The following ERI1 variants were observed in gnomAD, a reference collection of about 807,000 sequenced individuals.
ERI1 encodes the protein 3'-5' exoribonuclease 1.
ERI1 carries 39 observed loss-of-function variants against 39.7 expected under a neutral mutation model. That is an observed-to-expected ratio of 0.98 (90% confidence interval 0.76 to 1.28). The LOEUF (loss-of-function observed/expected upper bound fraction) is 1.28. Among genes scored for constraint, ERI1 ranks in the 50% most tolerant of loss-of-function variants. The probability of loss-of-function intolerance (pLI) is 0.00; values close to 1 mark genes in which losing one functional copy is unlikely to be tolerated. For missense variants in ERI1, 581 were observed against 416.9 expected (o/e 1.39, Z -3.43); for synonymous variants, 204 against 149.6 (o/e 1.36, Z -2.65).
In ERI1 at chr8:9,066,639, A is replaced by T. The variant is rs796229083; in HGVS notation, n.299+46175A>T. Among the ~76,000 whole-genome samples the T allele has an allele frequency of 2.0e-5, 3 of 152,336 alleles. 1 individual carries two copies. Among genetic ancestry groups the T allele is most frequent in the African/African-American group, 7.2e-5 (3 of 41,576 alleles). ...GTTATTCAAGGAATGTTCAGTTATG[A>T]GTGCCGGTCATTGTTTTTAAAGGAA... On this transcript the variant is annotated intron_variant and non_coding_transcript_variant, in intron 3 of 3. Transcript: ENST00000518663.
intron 3 of ERI1, among the ~76,000 whole-genome samples, chr8:9,082,800 G>C (rs911995887): frequency 6.6e-6 from 1 of 152,152 alleles, no homozygotes; most frequent in African/African-American, 2.4e-5. Flanking sequence ...GAAAGTGAAT[G>C]ATGAGATGCC....
chr8:9,038,409 G>T (rs990035339), intron 3 of ERI1, among the ~76,000 whole-genome samples: 3 of 152,132 alleles, frequency 2.0e-5, no homozygotes, highest in Non-Finnish European at 4.4e-5. Flanking sequence ...GTATTTTTCT[G>T]CCTGAAAGTC....
At chr8:9,013,948 G>A (rs1585198372) in intron 3 of ERI1, among the ~76,000 whole-genome samples, 2 of 152,010 alleles carry the variant, frequency 1.3e-5, no homozygotes, top group East Asian at 1.9e-4. Flanking sequence ...TACTGCATTC[G>A]CCACCTAACT....
At chr8:9,067,196 G>A (rs79506627) in intron 3 of ERI1, among the ~76,000 whole-genome samples, 3,911 of 152,074 alleles carry the variant, frequency 0.026, 167 homozygotes, top group African/African-American at 0.088. Context: ...TAGCTGCAGG[G>A]TACGTCATTC....
intron 3 of ERI1, among the ~76,000 whole-genome samples, chr8:9,059,794 C>T (rs945272211): frequency 1.3e-4 from 20 of 152,026 alleles, no homozygotes; most frequent in African/African-American, 2.2e-4. Flanking sequence ...CAGTGTGAAC[C>T]GGCAGTGTAA....
chr8:9,070,726 G>C (rs750893736), intron 3 of ERI1, among the ~76,000 whole-genome samples: 5 of 152,220 alleles, frequency 3.3e-5, no homozygotes, highest in Non-Finnish European at 7.3e-5. Context: ...AACATTTGGC[G>C]TCTGAAAGAA....
In ERI1 at chr8:9,046,475, C is replaced by T. The variant is rs1345874900; in HGVS notation, n.299+26011C>T. Reference sequence around the variant, plus strand: ...GCTTCCATGAGATGCTCCTTTATTTCTTTGAGAAATTCCCCTCTCCGGCTA... The same window carrying T: ...GCTTCCATGAGATGCTCCTTTATTTTTTTGAGAAATTCCCCTCTCCGGCTA... On this transcript the variant is annotated intron_variant and non_coding_transcript_variant, in intron 3 of 3. Transcript: ENST00000518663. Among the ~76,000 whole-genome samples the T allele has an allele frequency of 2.0e-5, 3 of 152,208 alleles. No homozygotes were observed. The South Asian group carries it at 6.2e-4, about 31-fold the overall frequency.
At chr8:9,072,527 C>T (rs1438364524) in intron 3 of ERI1, 1 of 152,058 alleles carries the variant, frequency 6.6e-6, no homozygotes, top group Non-Finnish European at 1.5e-5. Flanking sequence ...GATTTCAGAA[C>T]GTTTAATCAC....
downstream of ERI1, among the ~76,000 whole-genome samples, chr8:9,036,374 A>T (rs1213959790): frequency 6.6e-6 from 1 of 152,190 alleles, no homozygotes; most frequent in African/African-American, 2.4e-5. Flanking sequence ...CACCCTGATC[A>T]CTCAGTAGCC....
At chr8:9,021,736 T>A (rs1212354052) in intron 6 of ERI1, among the ~76,000 whole-genome samples, 2 of 151,102 alleles carry the variant, frequency 1.3e-5, no homozygotes, top group Non-Finnish European at 2.9e-5. Context: ...GAGCACGATA[T>A]AATTAGTATT....
At chr8:9,060,931 C>A (rs1374726301) in intron 3 of ERI1, among the ~76,000 whole-genome samples, 1 of 152,176 alleles carries the variant, frequency 6.6e-6, no homozygotes, top group Non-Finnish European at 1.5e-5. Flanking sequence ...ATGGAGGACG[C>A]TTGCGTAGTG....
At chr8:9,054,581 A>C (rs566490770) in intron 3 of ERI1, among the ~76,000 whole-genome samples, 24 of 152,370 alleles carry the variant, frequency 1.6e-4, no homozygotes, top group African/African-American at 5.8e-4. Context: ...GACCCAGAGT[A>C]AACTATCCGT....
intron 6 of ERI1, among the ~76,000 whole-genome samples, chr8:9,021,761 ATTTGTTTTT>A (rs567210029): frequency 0.29 from 31,617 of 109,418 alleles, 2,678 homozygotes; most frequent in Non-Finnish European, 0.34. Context: ...TGGCTATATT[ATTTGTTTTT>A]TTTGTTTTTT....
intron 3 of ERI1, among the ~76,000 whole-genome samples, chr8:9,077,939 C>G (rs1799258533): frequency 6.6e-6 from 1 of 152,178 alleles, no homozygotes; most frequent in Non-Finnish European, 1.5e-5. Context: ...TTCCTGTGTT[C>G]CCAGAATACT....
intron 1 of ERI1, among the ~76,000 whole-genome samples, chr8:9,005,721 C>G (rs561728881): frequency 1.0e-3 from 157 of 151,892 alleles, no homozygotes; most frequent in African/African-American, 3.7e-3. Flanking sequence ...GTCTCTATCT[C>G]CTGACCTCGT....
chr8:9,012,115 C>A (rs914371299), intron 3 of ERI1, among the ~76,000 whole-genome samples: 1 of 152,134 alleles, frequency 6.6e-6, no homozygotes, highest in Non-Finnish European at 1.5e-5. Context: ...CCTCTGACAT[C>A]AGCATTTTTT....
intron 1 of ERI1, among the ~76,000 whole-genome samples, chr8:9,005,521 T>TA (rs1192412795): frequency 6.7e-6 from 1 of 150,282 alleles, no homozygotes; most frequent in Non-Finnish European, 1.5e-5. Flanking sequence ...TATGTTTTTT[T>TA]TTTTTTTTTT....
chr8:9,099,548 C>T (rs997334760), intron 3 of ERI1, among the ~76,000 whole-genome samples: 27 of 148,456 alleles, frequency 1.8e-4, no homozygotes, highest in Non-Finnish European at 2.5e-4. Flanking sequence ...TGAGCTGTGA[C>T]GGTATCATTG....
At chr8:9,085,014 A>G (rs1402765718) in intron 3 of ERI1, among the ~76,000 whole-genome samples, 2 of 152,158 alleles carry the variant, frequency 1.3e-5, no homozygotes, top group Non-Finnish European at 2.9e-5. Context: ...CAGCATCAAC[A>G]TCACCTAGAA....
Sources: gnomAD v4.1 joint callset for allele counts (sites outside exome capture counted in the v4.1 genomes callset) on GRCh38, gnomAD v4.1.1 for gene constraint, MANE v1.5 for transcripts, NCBI Gene and HGNC (gene_info 2026-07-23, HGNC 2026-07-21) for gene names.